The following CACNA1C variants were observed in gnomAD, a reference collection of about 807,000 sequenced individuals.
CACNA1C encodes voltage-dependent L-type calcium channel subunit alpha-1C.
A neutral mutation model predicts 229.0 loss-of-function variants in CACNA1C; 30 were observed. The ratio of observed to expected loss-of-function variants is 0.13; its 90% CI spans 0.10 to 0.18. The LOEUF (loss-of-function observed/expected upper bound fraction) is 0.18, where lower values mean the gene tolerates loss of function less well. Among genes scored for constraint, CACNA1C ranks in the 10% least tolerant of loss-of-function variants. The pLI is 1.00. For missense variants in CACNA1C, 1,658 were observed against 2,845.0 expected, an observed-to-expected ratio of 0.58 and a Z score of 9.49; for synonymous variants, 1,114 against 1,132.5, an observed-to-expected ratio of 0.98 and a Z score of 0.33.
At chr12:2,473,379 A>G (rs1397198330) in intron 5 of CACNA1C, among the ~76,000 whole-genome samples, 1 of 152,000 alleles carries the variant, frequency 6.6e-6, no homozygotes, top group Non-Finnish European at 1.5e-5. Flanking sequence ...TCTCAATTCC[A>G]TGGGGCTGCA....
At chr12:2,197,322 G>A (rs1293031433) in intron 3 of CACNA1C, among the ~76,000 whole-genome samples, 2 of 152,160 alleles carry the variant, frequency 1.3e-5, no homozygotes, top group African/African-American at 4.8e-5. Flanking sequence ...AGACCTCCTT[G>A]CTGCCCCCAT....
chr12:2,022,635 G>A (rs536935759), intron 1 of CACNA1C, among the ~76,000 whole-genome samples: 4,458 of 151,824 alleles, frequency 0.029, 93 homozygotes, highest in Non-Finnish European at 0.044. Flanking sequence ...GTAGAGAAGG[G>A]GGTCTCTCTA....
At position 2,523,453 on chromosome 12, in the gene CACNA1C, C is replaced by T. The variant is rs183351299; in HGVS notation, c.1390+10469C>T. ...TGGGGATGGGAGTTCTAGCTTACCACTTTCCTGCCTTGGCAAGTACGGTGT... is the reference window on the plus strand; with the variant it reads ...TGGGGATGGGAGTTCTAGCTTACCATTTTCCTGCCTTGGCAAGTACGGTGT... On this transcript the variant is annotated intron_variant, in intron 9 of 46. Coordinates refer to ENST00000399655, the MANE Select transcript of CACNA1C (RefSeq NM_000719.7). 4.3e-4 allele frequency among the ~76,000 whole-genome samples: 66 copies of T among 152,236 alleles called. No individual in the cohort carries two copies. In the East Asian group the frequency reaches 0.011, roughly 26 times the overall value.
intron 3 of CACNA1C, among the ~76,000 whole-genome samples, chr12:2,332,892 T>G (rs2096588857): frequency 6.6e-6 from 1 of 152,214 alleles, no homozygotes; most frequent in South Asian, 2.1e-4. Flanking sequence ...CTTTTTAATA[T>G]TTTTTTAGTA....
At chr12:2,204,508 G>A (rs1599007279) in intron 3 of CACNA1C, among the ~76,000 whole-genome samples, 1 of 151,048 alleles carries the variant, frequency 6.6e-6, no homozygotes, top group African/African-American at 2.4e-5. Context: ...GTTTATTGCA[G>A]CATTATTCAC....
intron 13 of CACNA1C, among the ~76,000 whole-genome samples, chr12:2,573,330 AT>A (rs1469209718): frequency 6.6e-6 from 1 of 152,202 alleles, no homozygotes; most frequent in Non-Finnish European, 1.5e-5. Context: ...AAAAAACTTG[AT>A]TCTTACATCT....
chr12:2,320,893 G>A (rs1198602845), intron 3 of CACNA1C, among the ~76,000 whole-genome samples: 1 of 152,136 alleles, frequency 6.6e-6, no homozygotes, highest in East Asian at 1.9e-4. Flanking sequence ...TATGGCTCGG[G>A]GATAGTCACA....
At chr12:2,205,153 A>G (rs12423277) in intron 3 of CACNA1C, among the ~76,000 whole-genome samples, 1 of 151,834 alleles carries the variant, frequency 6.6e-6, no homozygotes, top group African/African-American at 2.4e-5. Flanking sequence ...TGGTTGCCAG[A>G]CTTTCTAGAA....
intron 3 of CACNA1C, among the ~76,000 whole-genome samples, chr12:2,252,136 C>G (rs531098371): frequency 2.0e-5 from 3 of 152,338 alleles, no homozygotes; most frequent in African/African-American, 7.2e-5. Flanking sequence ...AAAAAGACTG[C>G]ACACCACTAA....
At chr12:2,547,548 T>C in intron 9 of CACNA1C, 1 of 779,178 alleles carries the variant, frequency 1.3e-6, no homozygotes, top group Admixed American at 1.7e-5. Context: ...GTGCTCTGTG[T>C]GTGTAAATGC....
At chr12:2,317,045 C>T (rs2095727539) in intron 3 of CACNA1C, among the ~76,000 whole-genome samples, 1 of 152,298 alleles carries the variant, frequency 6.6e-6, no homozygotes, top group African/African-American at 2.4e-5. Flanking sequence ...CAGATTGGAA[C>T]CGTTGGGCAT....
At chr12:2,068,814 C>T (rs775986220) in intron 1 of CACNA1C, among the ~76,000 whole-genome samples, 10 of 152,156 alleles carry the variant, frequency 6.6e-5, no homozygotes, top group South Asian at 2.1e-4. Flanking sequence ...TCAAGGGCAG[C>T]GCTGACCCCA....
At chr12:2,120,656 C>CTGTGTGTGTGTGTGTGTGTGTGTG (rs112680750) in intron 3 of CACNA1C, among the ~76,000 whole-genome samples, 4 of 139,778 alleles carry the variant, frequency 2.9e-5, no homozygotes, top group African/African-American at 1.1e-4. Flanking sequence ...GTGGTGAGCT[C>CTGTGTGTGTGTGTGTGTGTGTGTG]TGTGTGTGTG....
chr12:2,691,776 A>C lies in CACNA1C; in HGVS notation c.*577A>C, dbSNP rs1317022590. 6.6e-6 allele frequency: 1 copy of C among 152,318 alleles called. No homozygotes were observed. Among genetic ancestry groups the C allele is most frequent in the East Asian group, 1.9e-4 (1 of 5,184 alleles). 9.4% of individuals were successfully genotyped at this position (152,318 alleles called of 1,614,324 possible). ...TCCGTCCCTGCCCACCTGCGACGGG[A>C]TCCCCCGACCGGCACGGGCCACGCC... On this transcript the variant is annotated 3_prime_UTR_variant, in exon 47 of 47. Coordinates refer to ENST00000399655, the MANE Select transcript of CACNA1C (RefSeq NM_000719.7).
At chr12:2,406,771 G>A (rs2098742133) in intron 3 of CACNA1C, among the ~76,000 whole-genome samples, 2 of 152,198 alleles carry the variant, frequency 1.3e-5, no homozygotes, top group Non-Finnish European at 2.9e-5. Context: ...CTCAGTGCTA[G>A]TGTCATCCAA....
intron 5 of CACNA1C, among the ~76,000 whole-genome samples, chr12:2,460,444 A>G (rs1476967485): frequency 5.9e-5 from 9 of 152,256 alleles, no homozygotes; most frequent in East Asian, 1.9e-4. Flanking sequence ...TTGCTCTAGT[A>G]CAGAGATTCT....
chr12:2,016,838 CA>C (rs1278971461), intron 1 of CACNA1C, among the ~76,000 whole-genome samples: 7 of 152,214 alleles, frequency 4.6e-5, no homozygotes, highest in Non-Finnish European at 8.8e-5. Context: ...GCTTTACCCA[CA>C]GACATTCTGA....
chr12:2,177,542 TTTCC>T (rs2096683886), intron 3 of CACNA1C, among the ~76,000 whole-genome samples: 2 of 141,174 alleles, frequency 1.4e-5, no homozygotes, highest in Admixed American at 7.1e-5. Context: ...CTCCCTTCCC[TTTCC>T]TTCCTTCCCT....
rs375957231 is a variant in CACNA1C at position 2,527,096 on chromosome 12, T to G, written c.1390+14112T>G. 1.1e-4 allele frequency among the ~76,000 whole-genome samples: 16 copies of G among 152,352 alleles called. No individual in the cohort carries two copies. In the East Asian group the frequency reaches 2.9e-3, roughly 28 times the overall value. On this transcript the variant is annotated intron_variant, in intron 9 of 46. Transcript: ENST00000399655. Reference sequence around the variant, plus strand: ...ACAAGAAAGTAAGGATATTAAGACATTTTAAAAATGTCTGGGCAGAGGAGC... The same window carrying G: ...ACAAGAAAGTAAGGATATTAAGACAGTTTAAAAATGTCTGGGCAGAGGAGC...
Sources: gnomAD v4.1 joint callset for allele counts (sites outside exome capture counted in the v4.1 genomes callset) on GRCh38, gnomAD v4.1.1 for gene constraint, MANE v1.5 for transcripts, NCBI Gene and HGNC (gene_info 2026-07-23, HGNC 2026-07-21) for gene names.